SCTR: variants seen among roughly 807,000 people sequenced by gnomAD.
SCTR encodes secretin receptor, also known as pancreatic secretin receptor.
A neutral mutation model predicts 60.8 loss-of-function variants in SCTR; 56 were observed. The observed-to-expected ratio is 0.92, with a 90% CI of 0.74 to 1.15. The LOEUF is 1.15. Ranked by LOEUF, SCTR falls within the 50% of genes most tolerant of loss-of-function variation. The pLI is 0.00. For synonymous variants in SCTR, 202 were observed against 217.0 expected (o/e 0.93, Z 0.61); for missense variants, 562 against 550.4 (o/e 1.02, Z -0.21).
chr2:119,523,144 T>A (rs528591333), intron 1 of SCTR, among the ~76,000 whole-genome samples: 1 of 152,120 alleles, frequency 6.6e-6, no homozygotes, highest in East Asian at 1.9e-4. Flanking sequence ...AGAGACTCAG[T>A]TGGGTCCCCA....
At chr2:119,455,118 C>A (rs977093480) in intron 7 of SCTR, among the ~76,000 whole-genome samples, 1 of 152,186 alleles carries the variant, frequency 6.6e-6, no homozygotes, top group South Asian at 2.1e-4. Flanking sequence ...AGCCCTGGTC[C>A]CCGGGCCGCT....
chr2:119,485,112 G>T (rs555607021), intron 2 of SCTR, among the ~76,000 whole-genome samples: 1 of 152,228 alleles, frequency 6.6e-6, no homozygotes, highest in Non-Finnish European at 1.5e-5. Context: ...AGCTGCAGGC[G>T]AGATCCCCCT....
At chr2:119,474,467 G>T (rs1008195799) in intron 3 of SCTR, among the ~76,000 whole-genome samples, 3 of 152,206 alleles carry the variant, frequency 2.0e-5, no homozygotes, top group Non-Finnish European at 2.9e-5. Flanking sequence ...GCTGAATTCT[G>T]TACTCTGAGC....
At chr2:119,499,953 A>G (rs913172251) in intron 1 of SCTR, among the ~76,000 whole-genome samples, 1 of 152,142 alleles carries the variant, frequency 6.6e-6, no homozygotes, top group Non-Finnish European at 1.5e-5. Context: ...TACAGATAAG[A>G]AGGAGGAACA....
Position 119,478,892 on chromosome 2 carries a change from T to C in SCTR, c.220A>G (p.Ser74Gly). The C allele has an allele frequency of 1.9e-6, 3 of 1,614,166 alleles. No individual in the cohort carries two copies. The highest frequency in any genetic ancestry group is 2.5e-6 in the Non-Finnish European group (3 of 1,180,032). The change falls in exon 3 of 13, where the codon AGC becomes GGC. Residue 74 changes from serine to glycine, a missense_variant. Coordinates refer to ENST00000019103, the MANE Select transcript of SCTR (RefSeq NM_002980.3). The stretch of plus-strand genomic sequence containing the variant: ...CCCGGCACAGAAGAGGGCCAGCAGC[T>C]TATGTTGTCCCACATCCCCTCACAA... ...PGCEGMWDNI[S>G]CWPSSVPGRM...
intron 1 of SCTR, among the ~76,000 whole-genome samples, chr2:119,514,481 A>G (rs1273778390): frequency 2.0e-5 from 3 of 152,226 alleles, no homozygotes; most frequent in Non-Finnish European, 4.4e-5. Context: ...ATAAGAGAGA[A>G]AATATGTCAA....
At chr2:119,513,210 A>T (rs1343351201) in intron 1 of SCTR, among the ~76,000 whole-genome samples, 2 of 152,184 alleles carry the variant, frequency 1.3e-5, no homozygotes, top group Non-Finnish European at 1.5e-5. Flanking sequence ...CCATACAGCT[A>T]TCACTTCATC....
intron 11 of SCTR, among the ~76,000 whole-genome samples, chr2:119,443,799 G>A (rs1419332386): frequency 1.3e-5 from 2 of 152,136 alleles, no homozygotes; most frequent in African/African-American, 4.8e-5. Context: ...CGCCTGCCTC[G>A]GCCTCCCGAA....
chr2:119,496,220 C>T (rs1299956298), intron 1 of SCTR, among the ~76,000 whole-genome samples: 2 of 151,986 alleles, frequency 1.3e-5, no homozygotes, highest in South Asian at 2.1e-4. Flanking sequence ...AGCACACATG[C>T]TGTTCAGAGC....
intron 2 of SCTR, chr2:119,480,028 T>C (rs895442641): frequency 6.6e-6 from 1 of 152,244 alleles, no homozygotes; most frequent in African/African-American, 2.4e-5. Flanking sequence ...AAGTTCTAGA[T>C]GATTGGTAGC....
chr2:119,446,806 C>T lies in SCTR; in HGVS notation c.1093G>A (p.Ala365Thr), dbSNP rs143548648. Reference sequence around the variant, plus strand: ...TCAAAAAACAGCTGGATCTCCATAGCGTCCTCTGGGGAGAAGGCGAAGACG... The same window carrying T: ...TCAAAAAACAGCTGGATCTCCATAGTGTCCTCTGGGGAGAAGGCGAAGACG... ...YIVFAFSPED[A>T]MEIQLFFELA... The change falls in exon 11 of 13, where the codon GCT becomes ACT. Residue 365 changes from alanine to threonine, a missense_variant. Physicochemically the swap from Ala to Thr is moderately conservative, Grantham distance 58. Transcript: ENST00000019103. 2.5e-6 allele frequency: 4 copies of T among 1,577,394 alleles called. No homozygotes were observed. Among genetic ancestry groups the T allele is most frequent in the Admixed American group, 1.8e-5 (1 of 55,990 alleles).
At chr2:119,478,194 A>G (rs1394250482) in intron 3 of SCTR, among the ~76,000 whole-genome samples, 14 of 152,246 alleles carry the variant, frequency 9.2e-5, no homozygotes, top group Admixed American at 9.2e-4. Flanking sequence ...TACTGGATCA[A>G]GGGAAAAGTC....
intron 7 of SCTR, among the ~76,000 whole-genome samples, chr2:119,459,542 CAGAT>C (rs750506875): frequency 8.5e-5 from 13 of 152,182 alleles, no homozygotes; most frequent in Non-Finnish European, 1.8e-4. Context: ...GGGCTTCTCA[CAGAT>C]AGAGGGGCTT....
intron 1 of SCTR, 35 bp downstream of exon 1, chr2:119,524,120 C>T (rs1679375576): frequency 2.0e-6 from 3 of 1,524,166 alleles, no homozygotes; most frequent in Non-Finnish European, 2.7e-6. Flanking sequence ...GTCGCTCCCT[C>T]GGGTCCCCAG....
chr2:119,452,156 G>C, intron 8 of SCTR, 77 bp from the exon 9 acceptor site: 1 of 874,604 alleles, frequency 1.1e-6, no homozygotes, highest in South Asian at 1.4e-5. Flanking sequence ...CATGTTCCCT[G>C]AGGTGGCCCT....
chr2:119,469,553 C>T (rs1318300983), intron 4 of SCTR, among the ~76,000 whole-genome samples: 4 of 152,114 alleles, frequency 2.6e-5, no homozygotes, highest in Non-Finnish European at 2.9e-5. Context: ...TACAGTAGCA[C>T]GATCATGGCT....
chr2:119,487,737 A>G (rs1259584960), intron 2 of SCTR, among the ~76,000 whole-genome samples: 1 of 152,178 alleles, frequency 6.6e-6, no homozygotes, highest in Non-Finnish European at 1.5e-5. Context: ...TTGGCCACCT[A>G]ACCCGGAATG....
rs1417563269 is a variant in SCTR, at chr2:119,440,110, C to T, written c.*7G>A. ...TCTCTGTCCGTGGGTGACCCTGCTCCAGCCTCTCAGATGATGCTGGTCCTG... is the reference window on the plus strand; with the variant it reads ...TCTCTGTCCGTGGGTGACCCTGCTCTAGCCTCTCAGATGATGCTGGTCCTG... On this transcript the variant is annotated 3_prime_UTR_variant, in exon 13 of 13. Coordinates refer to ENST00000019103, the MANE Select transcript of SCTR (RefSeq NM_002980.3). 1.9e-6 allele frequency: 3 copies of T among 1,612,800 alleles called. No individual in the cohort carries two copies. Among genetic ancestry groups the T allele is most frequent in the Non-Finnish European group, 2.5e-6 (3 of 1,179,480 alleles).
chr2:119,478,771 C>A, intron 3 of SCTR, 40 bp downstream of exon 3: 2 of 1,603,490 alleles, frequency 1.2e-6, no homozygotes, highest in Non-Finnish European at 1.7e-6. Context: ...GAGGGACACC[C>A]CTCAGCCTGT....
Sources: gnomAD v4.1 joint callset for allele counts (sites outside exome capture counted in the v4.1 genomes callset) on GRCh38, gnomAD v4.1.1 for gene constraint, MANE v1.5 for transcripts, NCBI Gene and HGNC (gene_info 2026-07-23, HGNC 2026-07-21) for gene names.